UTRN: variants seen among roughly 807,000 people sequenced by gnomAD.
UTRN encodes the protein utrophin.
UTRN carries 283 observed loss-of-function variants against 463.9 expected under a neutral mutation model. The ratio of observed to expected loss-of-function variants is 0.61; its 90% confidence interval spans 0.55 to 0.67. UTRN has a LOEUF of 0.67. Ranked by LOEUF, UTRN falls within the 30% of genes least tolerant of loss-of-function variation. The pLI, the probability that UTRN is intolerant of heterozygous loss-of-function variation, is 0.00. For synonymous variants in UTRN, 1,442 were observed against 1,431.5 expected, an observed-to-expected ratio of 1.01 and a Z score of -0.17; for missense variants, 3,922 against 4,084.3, an observed-to-expected ratio of 0.96 and a Z score of 1.08.
intron 60 of UTRN, among the ~76,000 whole-genome samples, chr6:144,780,152 A>G (rs1298818262): frequency 6.6e-6 from 1 of 152,206 alleles, no homozygotes; most frequent in Non-Finnish European, 1.5e-5. Flanking sequence ...GATAAATACA[A>G]AGGAAGCTAT....
intron 53 of UTRN, 148 bp downstream of exon 53, chr6:144,700,391 T>A: frequency 2.2e-6 from 2 of 895,792 alleles, no homozygotes; most frequent in Non-Finnish European, 3.1e-6. Flanking sequence ...CCAGTAGACA[T>A]TTAAAGTGCA....
intron 19 of UTRN, 48 bp downstream of exon 19, chr6:144,453,917 G>A (rs765688924): frequency 2.7e-5 from 41 of 1,527,748 alleles, no homozygotes; most frequent in South Asian, 6.9e-5. Context: ...TGGTGGCATC[G>A]AATAATATTA....
intron 3 of UTRN, among the ~76,000 whole-genome samples, chr6:144,412,762 T>TACACAC (rs149751810): frequency 0.013 from 1,827 of 144,334 alleles, 10 homozygotes; most frequent in Middle Eastern, 0.021. Context: ...ACACACACCA[T>TACACAC]ACACACACAC....
At chr6:144,690,072 CTGTTTT>C (rs1192181160) in intron 52 of UTRN, among the ~76,000 whole-genome samples, 5 of 35,662 alleles carry the variant, frequency 1.4e-4, no homozygotes, top group African/African-American at 6.2e-4. Context: ...CCAAAAGTTT[CTGTTTT>C]TTTTTTTTTT....
At chr6:144,454,827 C>A (rs1788661895) in intron 19 of UTRN, among the ~76,000 whole-genome samples, 1 of 152,064 alleles carries the variant, frequency 6.6e-6, no homozygotes. Flanking sequence ...GTAAAATTTA[C>A]TTACATTGAA....
chr6:144,364,101 G>A (rs1779304094), intron 2 of UTRN, among the ~76,000 whole-genome samples: 1 of 152,208 alleles, frequency 6.6e-6, no homozygotes, highest in South Asian at 2.1e-4. Flanking sequence ...GGTAGCCTGG[G>A]AATATCTGGG....
Position 144,850,992 on chromosome 6 carries a change from A to G in UTRN, c.10297A>G (p.Met3433Val). ...CPNVPSRPQA[M>V] Reference sequence around the variant, plus strand: ...GTGCTATTTTCCCTTCCCATAGGCAATGTGAAGTATTCATCCGGCCAACCA... The same window carrying G: ...GTGCTATTTTCCCTTCCCATAGGCAGTGTGAAGTATTCATCCGGCCAACCA... Residue 3433 changes from methionine (M) to valine (V), a missense_variant, in exon 75 of 75, where the codon ATG becomes GTG. Coordinates refer to ENST00000367545, the MANE Select transcript of UTRN (RefSeq NM_007124.3). The G allele has an allele frequency of 6.2e-7, 1 of 1,613,650 alleles. No homozygotes were observed. The highest frequency in any genetic ancestry group is 8.5e-7 in the Non-Finnish European group (1 of 1,179,618).
In UTRN at chr6:144,618,574, C is replaced by T. The variant is rs564853847; in HGVS notation, c.7479+41286C>T. Among the ~76,000 whole-genome samples, 371 of 152,158 alleles carry T rather than the reference C, an allele frequency of 2.4e-3. 2 individuals carry two copies. Among genetic ancestry groups the T allele is most frequent in the African/African-American group, 8.5e-3 (352 of 41,560 alleles). On this transcript the variant is annotated intron_variant, in intron 51 of 74. Coordinates refer to ENST00000367545, the MANE Select transcript of UTRN (RefSeq NM_007124.3). ...TCAAAATCTATTTGCTTCAAAGAAT[C>T]TTAGTAGTCAGTAGTTAACCAAGAA...
At chr6:144,517,657 T>G (rs1795739958) in intron 39 of UTRN, among the ~76,000 whole-genome samples, 1 of 152,212 alleles carries the variant, frequency 6.6e-6, no homozygotes, top group Admixed American at 6.5e-5. Context: ...ACTGTACCTT[T>G]TCTATGTTTA....
chr6:144,631,338 C>T (rs967418534), intron 51 of UTRN, among the ~76,000 whole-genome samples: 8 of 151,926 alleles, frequency 5.3e-5, no homozygotes, highest in African/African-American at 1.9e-4. Flanking sequence ...TCACTAATTT[C>T]ACCTGGCCAA....
intron 51 of UTRN, among the ~76,000 whole-genome samples, chr6:144,630,349 A>G: frequency 6.6e-6 from 1 of 152,178 alleles, no homozygotes; most frequent in Non-Finnish European, 1.5e-5. Context: ...ATAAAGACAT[A>G]CCTGACACTG....
At chr6:144,348,902 C>G (rs1297711809) in intron 2 of UTRN, among the ~76,000 whole-genome samples, 2 of 151,948 alleles carry the variant, frequency 1.3e-5, no homozygotes, top group Non-Finnish European at 2.9e-5. Context: ...CCATTGCACT[C>G]TAGCCTGGGC....
intron 2 of UTRN, among the ~76,000 whole-genome samples, chr6:144,339,985 A>G (rs73591137): frequency 6.6e-6 from 1 of 152,056 alleles, no homozygotes; most frequent in Non-Finnish European, 1.5e-5. Context: ...CTGACCAACA[A>G]GGTGAAAGCC....
intron 41 of UTRN, among the ~76,000 whole-genome samples, chr6:144,526,013 AT>A (rs1288502997): frequency 1.3e-5 from 2 of 152,056 alleles, no homozygotes; most frequent in Admixed American, 1.3e-4. Flanking sequence ...TTCAGACTTG[AT>A]TTCCAATTTC....
At chr6:144,754,871 G>A (rs1791815420) in intron 57 of UTRN, 73 bp downstream of exon 57, 1 of 1,420,626 alleles carries the variant, frequency 7.0e-7, no homozygotes, top group Non-Finnish European at 9.8e-7. Context: ...AATTGAAGAA[G>A]CCGTATTCCT....
intron 2 of UTRN, among the ~76,000 whole-genome samples, chr6:144,375,647 T>C (rs1780388770): frequency 6.6e-6 from 1 of 152,222 alleles, no homozygotes; most frequent in Non-Finnish European, 1.5e-5. Flanking sequence ...GCCTGGCTAC[T>C]GATTCTCAGT....
At chr6:144,291,697 A>G (rs1804265746) in intron 1 of UTRN, 40 bp from the exon 2 acceptor site, 1 of 611,660 alleles carries the variant, frequency 1.6e-6, no homozygotes, top group Non-Finnish European at 2.7e-6. Context: ...AAATATATAA[A>G]TACATTTTTT....
intron 53 of UTRN, among the ~76,000 whole-genome samples, chr6:144,729,693 T>C (rs931549618): frequency 1.3e-5 from 2 of 152,212 alleles, no homozygotes; most frequent in African/African-American, 2.4e-5. Flanking sequence ...TTAGCTCCAC[T>C]TCAAGGAACA....
intron 74 of UTRN, among the ~76,000 whole-genome samples, chr6:144,850,032 G>C (rs1782353602): frequency 6.6e-6 from 1 of 152,172 alleles, no homozygotes; most frequent in Non-Finnish European, 1.5e-5. Context: ...TCACAGGAGG[G>C]CCTCCCCTCA....
Sources: allele counts gnomAD v4.1 joint callset (sites outside exome capture counted in the v4.1 genomes callset), GRCh38; gene constraint gnomAD v4.1.1; transcripts MANE v1.5; gene names NCBI Gene and HGNC (gene_info 2026-07-23, HGNC 2026-07-21).